TINAG: variants seen among roughly 807,000 people sequenced by gnomAD.
TINAG encodes tubulointerstitial nephritis antigen.
Under a neutral mutation model 72.7 loss-of-function variants are expected in TINAG, and 83 were observed. The observed-to-expected ratio is 1.14, with a 90% CI of 0.96 to 1.37. TINAG has a LOEUF of 1.37. TINAG is among the 40% of genes most tolerant of loss of function. The pLI is 0.00. For synonymous variants in TINAG, 234 were observed against 189.9 expected, an observed-to-expected ratio of 1.23 and a Z score of -1.91; for missense variants, 685 against 576.6, an observed-to-expected ratio of 1.19 and a Z score of -1.93.
At chr6:54,381,586 T>C (rs1457212132) in intron 10 of TINAG, among the ~76,000 whole-genome samples, 1 of 152,118 alleles carries the variant, frequency 6.6e-6, no homozygotes, top group Non-Finnish European at 1.5e-5. Flanking sequence ...GGAGGTATGA[T>C]GCTTTTAAGT....
intron 4 of TINAG, among the ~76,000 whole-genome samples, chr6:54,337,237 G>A (rs1172448472): frequency 6.8e-6 from 1 of 147,172 alleles, no homozygotes; most frequent in Non-Finnish European, 1.5e-5. Context: ...TACTGTTCAT[G>A]GGATTTGAAT....
chr6:54,349,778 C>T lies in TINAG; in HGVS notation c.962C>T (p.Ala321Val). The change falls in exon 7 of 11, where the codon GCC (alanine) becomes GTC (valine). Residue 321 changes from alanine (A) to valine (V), a missense_variant. Physicochemically the swap from Ala to Val is moderately conservative, Grantham distance 64 (BLOSUM62 0). Coordinates refer to ENST00000259782, the MANE Select transcript of TINAG (RefSeq NM_014464.4). ...KDQNATNNGC[A>V]MASRSDGRGK... ...CAAAATGCTACCAACAATGGATGTGCCATGGCAAGCAGGTCTGATGGGCGA... is the reference window on the plus strand; with the variant it reads ...CAAAATGCTACCAACAATGGATGTGTCATGGCAAGCAGGTCTGATGGGCGA... 6.2e-7 allele frequency: 1 copy of T among 1,605,686 alleles called. No homozygotes were observed. Among genetic ancestry groups the T allele is most frequent in the Non-Finnish European group, 8.5e-7 (1 of 1,174,878 alleles).
rs140537892 is a variant in TINAG at position 54,347,485 on chromosome 6, C to T, written c.867C>T (p.Ile289=). ...GTCATGGATGCAATAGTGGAAGCAT[C>T]GATAGGGCTTGGTGGTACCTGAGAA... ...KNRHGCNSGS[I]DRAWWYLRKR... The change falls in exon 6 of 11, where the codon ATC becomes ATT. Residue 289 remains isoleucine (I), a synonymous_variant. Transcript: ENST00000259782. 9.9e-6 allele frequency: 16 copies of T among 1,612,712 alleles called. No homozygotes were observed. In the Admixed American group the frequency reaches 1.3e-4, roughly 13 times the overall value.
chr6:54,349,572 T>C (rs544650290), intron 6 of TINAG, 144 bp from the exon 7 acceptor site: 42 of 575,040 alleles, frequency 7.3e-5, no homozygotes, highest in Non-Finnish European at 1.0e-4. Flanking sequence ...AGCTTCTGTG[T>C]TGGAGTCACT....
rs141895937 is a variant in TINAG at position 54,385,031 on chromosome 6, A to G, written c.1296+4460A>G. On this transcript the variant is annotated intron_variant, in intron 10 of 10. Transcript: ENST00000259782. ...TTTAGCTAAAGCACTACTGAATGTA[A>G]TAGAAAATGCATGCATTGGAAAAGA... Among the ~76,000 whole-genome samples the G allele has an allele frequency of 1.5e-3, 226 of 152,292 alleles. 2 individuals are homozygous for G. Among genetic ancestry groups the G allele is most frequent in the African/African-American group, 5.0e-3 (209 of 41,594 alleles).
At chr6:54,314,758 A>G (rs576947413) in intron 1 of TINAG, among the ~76,000 whole-genome samples, 4 of 152,290 alleles carry the variant, frequency 2.6e-5, no homozygotes, top group African/African-American at 4.8e-5. Flanking sequence ...TTTGAGGCAT[A>G]CAGTGCATAC....
At chr6:54,365,204 G>T (rs1235331620) in intron 9 of TINAG, 1 of 151,510 alleles carries the variant, frequency 6.6e-6, no homozygotes, top group Non-Finnish European at 1.5e-5. Context: ...GCGATAATTA[G>T]TATAGACTTT....
chr6:54,357,203 G>A (rs1460902367), intron 9 of TINAG, among the ~76,000 whole-genome samples: 4 of 151,846 alleles, frequency 2.6e-5, no homozygotes, highest in African/African-American at 9.7e-5. Context: ...CAACTTTGCA[G>A]TGTACTTTGC....
At chr6:54,365,231 C>T (rs187839714) in intron 9 of TINAG, 13 of 151,570 alleles carry the variant, frequency 8.6e-5, no homozygotes, top group East Asian at 2.0e-4. Flanking sequence ...ACATTTAATT[C>T]GGGTGTTAGA....
chr6:54,327,070 G>T, intron 4 of TINAG, 154 bp downstream of exon 4: 2 of 1,547,378 alleles, frequency 1.3e-6, no homozygotes, highest in South Asian at 2.4e-5. Context: ...CTAAATGGTT[G>T]TTAAACCCCT....
chr6:54,367,802 T>C (rs1763479419), intron 9 of TINAG, among the ~76,000 whole-genome samples: 1 of 151,856 alleles, frequency 6.6e-6, no homozygotes, highest in Non-Finnish European at 1.5e-5. Context: ...CTACACAACA[T>C]TTATTTCTCA....
At chr6:54,389,765 T>G (rs201376563) in intron 10 of TINAG, 26 bp from the exon 11 acceptor site, 150 of 1,563,492 alleles carry the variant, frequency 9.6e-5, no homozygotes, top group Non-Finnish European at 1.2e-4. Context: ...GTTTCTCAAC[T>G]TTTTTGTTTG....
chr6:54,317,926 T>C (rs1562147126), intron 1 of TINAG, among the ~76,000 whole-genome samples: 1 of 152,230 alleles, frequency 6.6e-6, no homozygotes, highest in South Asian at 2.1e-4. Flanking sequence ...CAGATGTCTG[T>C]TTTTGTGTTC....
At chr6:54,363,779 A>G (rs929528236) in intron 9 of TINAG, among the ~76,000 whole-genome samples, 4 of 151,414 alleles carry the variant, frequency 2.6e-5, no homozygotes, top group African/African-American at 9.7e-5. Context: ...GTTTACAGAG[A>G]CAGAGTGGGA....
At chr6:54,313,919 C>T (rs1011785887) in intron 1 of TINAG, among the ~76,000 whole-genome samples, 4 of 151,934 alleles carry the variant, frequency 2.6e-5, no homozygotes, top group African/African-American at 9.7e-5. Context: ...CAGGAGTAAT[C>T]GATAGTATTT....
At position 54,321,305 on chromosome 6, in the gene TINAG, C is replaced by T; in HGVS notation, c.428C>T (p.Ser143Leu). The T allele has an allele frequency of 6.2e-7, 1 of 1,613,546 alleles. No homozygotes were observed. ...IKENCNSCTC[S>L]GQQWKCSQHV... is the part of the protein sequence containing the mutation. ...TTGTCATATCTTTGCAGCACATGCT[C>T]AGGACAGCAATGGAAATGTTCCCAG... Residue 143 changes from serine to leucine, a missense_variant, in exon 3 of 11, where the codon TCA becomes TTA. Physicochemically the swap from Ser to Leu is moderately radical, Grantham distance 145. Transcript: ENST00000259782.
intron 4 of TINAG, among the ~76,000 whole-genome samples, chr6:54,333,059 G>C (rs1784777873): frequency 6.6e-6 from 1 of 152,108 alleles, no homozygotes; most frequent in African/African-American, 2.4e-5. Context: ...AGGCAGTGGG[G>C]CAGTTCCTCA....
At chr6:54,386,262 A>G (rs1441162616) in intron 10 of TINAG, among the ~76,000 whole-genome samples, 2 of 152,172 alleles carry the variant, frequency 1.3e-5, no homozygotes, top group African/African-American at 2.4e-5. Flanking sequence ...TGTGTAACAA[A>G]CTATCACAGA....
At chr6:54,372,612 A>G (rs1763654163) in intron 9 of TINAG, among the ~76,000 whole-genome samples, 1 of 151,728 alleles carries the variant, frequency 6.6e-6, no homozygotes, top group South Asian at 2.1e-4. Context: ...TGAAAAAGAG[A>G]GCACTTGCTG....
Sources: gnomAD v4.1 joint callset for allele counts (sites outside exome capture counted in the v4.1 genomes callset) on GRCh38, gnomAD v4.1.1 for gene constraint, MANE v1.5 for transcripts, NCBI Gene and HGNC (gene_info 2026-07-23, HGNC 2026-07-21) for gene names.